Variants in PIK3C2A observed in about 807,000 individuals in gnomAD.
PIK3C2A encodes phosphatidylinositol 4-phosphate 3-kinase C2 domain-containing subunit alpha.
Under a neutral mutation model 204.5 loss-of-function variants are expected in PIK3C2A, and 97 were observed. The ratio of observed to expected loss-of-function variants is 0.47; its 90% confidence interval spans 0.40 to 0.56. PIK3C2A has a LOEUF of 0.56. Ranked by LOEUF, PIK3C2A falls within the 20% of genes least tolerant of loss-of-function variation. The pLI is 0.00. For synonymous variants in PIK3C2A, 653 were observed against 664.4 expected (o/e 0.98, Z 0.26); for missense variants, 1,735 against 1,969.2 (o/e 0.88, Z 2.25).
At chr11:17,116,666 T>C (rs1018691888) in intron 19 of PIK3C2A, among the ~76,000 whole-genome samples, 1 of 151,976 alleles carries the variant, frequency 6.6e-6, no homozygotes, top group Admixed American at 6.6e-5. Flanking sequence ...CTCGGTTCAC[T>C]GCAAGCTCCG....
At chr11:17,168,390 G>C (rs1434341633) in intron 2 of PIK3C2A, among the ~76,000 whole-genome samples, 3 of 152,098 alleles carry the variant, frequency 2.0e-5, no homozygotes, top group Non-Finnish European at 2.9e-5. Context: ...GACCATTCTT[G>C]CTAACACAGT....
At chr11:17,101,481 T>A (rs1848619694) in intron 24 of PIK3C2A, 47 bp from the exon 25 acceptor site, 1 of 1,085,408 alleles carries the variant, frequency 9.2e-7, no homozygotes, top group Non-Finnish European at 1.3e-6. Context: ...CAGAAGATAC[T>A]CCAATAGTGC....
intron 32 of PIK3C2A, among the ~76,000 whole-genome samples, 188 bp from the exon 33 acceptor site, chr11:17,090,108 T>A (rs902345979): frequency 2.0e-5 from 3 of 152,222 alleles, no homozygotes; most frequent in Admixed American, 6.5e-5. Flanking sequence ...GAGTCTTGGA[T>A]TGTACTATCA....
At chr11:17,099,273 T>C (rs746835056) in intron 26 of PIK3C2A, among the ~76,000 whole-genome samples, 1 of 152,240 alleles carries the variant, frequency 6.6e-6, no homozygotes, top group Non-Finnish European at 1.5e-5. Context: ...TGCCATGTAA[T>C]AGTTTACTTG....
At position 17,188,719 on chromosome 11, in the gene PIK3C2A, A is replaced by C. The variant is rs1392624068; in HGVS notation, c.-65-18913T>G. Among the ~76,000 whole-genome samples, 2 of 147,000 alleles carry C rather than the reference A, an allele frequency of 1.4e-5. 1 individual carries two copies. The highest frequency in any genetic ancestry group is 5.5e-5 in the African/African-American group (2 of 36,578). On this transcript the variant is annotated intron_variant, in intron 1 of 32. Coordinates refer to ENST00000691414, the MANE Select transcript of PIK3C2A (RefSeq NM_002645.4). ...AGGTAGCACACTGAAAGCTGAAGAC[A>C]GATCAGAAGAACTGAAAGAGATCCC...
chr11:17,097,334 T>A, intron 26 of PIK3C2A, 70 bp from the exon 27 acceptor site: 2 of 931,586 alleles, frequency 2.1e-6, no homozygotes, highest in Non-Finnish European at 1.7e-6. Flanking sequence ...ATGTAATAAA[T>A]GACAAAAACC....
chr11:17,096,286 C>A (rs1848453418), intron 27 of PIK3C2A, among the ~76,000 whole-genome samples: 1 of 152,228 alleles, frequency 6.6e-6, no homozygotes, highest in East Asian at 1.9e-4. Context: ...TGATCACCTG[C>A]CTCGGGCTCC....
At chr11:17,099,417 T>G (rs1565238521) in intron 26 of PIK3C2A, among the ~76,000 whole-genome samples, 1 of 152,152 alleles carries the variant, frequency 6.6e-6, no homozygotes, top group Non-Finnish European at 1.5e-5. Context: ...CTTAGTGGTG[T>G]GCGCCTGTAG....
rs187182162 is a variant in PIK3C2A, at chr11:17,193,367, C to G, written c.-66+14481G>C. 154 of 175,746 alleles carry G rather than the reference C, an allele frequency of 8.8e-4. 1 individual carries two copies. Among genetic ancestry groups the G allele is most frequent in the Middle Eastern group, 8.1e-3 (3 of 372 alleles). The allele number at this position is 175,746 out of a possible 1,614,324, so 10.9% of individuals were successfully genotyped here. A position where few individuals can be genotyped will look rare whatever the true frequency, so the allele number is the denominator to read the frequency against. ...CTTAGAAATCGGCTTTGTTATCCCA[C>G]TAAGTTTTATATTTAAAAAATATTC... On this transcript the variant is annotated intron_variant, in intron 1 of 32. Transcript: ENST00000691414.
At chr11:17,097,641 C>T (rs562998949) in intron 26 of PIK3C2A, among the ~76,000 whole-genome samples, 1 of 152,156 alleles carries the variant, frequency 6.6e-6, no homozygotes, top group African/African-American at 2.4e-5. Flanking sequence ...GGGCTGGGCA[C>T]GGTGGCTCAC....
intron 1 of PIK3C2A, among the ~76,000 whole-genome samples, chr11:17,171,472 G>A (rs1851158684): frequency 6.6e-6 from 1 of 151,476 alleles, no homozygotes; most frequent in Non-Finnish European, 1.5e-5. Context: ...TAATACAAAT[G>A]AAAATCCTAA....
intron 1 of PIK3C2A, among the ~76,000 whole-genome samples, chr11:17,205,566 C>T (rs1852541440): frequency 6.6e-6 from 1 of 151,266 alleles, no homozygotes; most frequent in South Asian, 2.1e-4. Flanking sequence ...TGCTCTGATG[C>T]TCTATAAGAA....
intron 27 of PIK3C2A, among the ~76,000 whole-genome samples, chr11:17,096,133 G>C (rs928593537): frequency 4.6e-5 from 7 of 151,642 alleles, no homozygotes; most frequent in African/African-American, 1.7e-4. Flanking sequence ...CTGCCTCTCG[G>C]GTTCAAGCGA....
At chr11:17,101,575 A>G in intron 24 of PIK3C2A, 141 bp from the exon 25 acceptor site, 1 of 425,096 alleles carries the variant, frequency 2.4e-6, no homozygotes, top group Non-Finnish European at 4.1e-6. Context: ...TTGAATTTCC[A>G]TAATTTTAAA....
chr11:17,193,768 A>G (rs1476883560), intron 1 of PIK3C2A, among the ~76,000 whole-genome samples: 2 of 149,970 alleles, frequency 1.3e-5, no homozygotes, highest in South Asian at 2.1e-4. Context: ...ATTGCTTGAA[A>G]TCAGAAGGCG....
chr11:17,111,391 T>G (rs1363027759), intron 21 of PIK3C2A, among the ~76,000 whole-genome samples: 1 of 152,220 alleles, frequency 6.6e-6, no homozygotes, highest in Non-Finnish European at 1.5e-5. Context: ...TATGAATCTA[T>G]AATTATCTCA....
At chr11:17,102,965 G>T (rs1848691036) in intron 23 of PIK3C2A, 134 bp from the exon 24 acceptor site, 2 of 565,216 alleles carry the variant, frequency 3.5e-6, no homozygotes, top group Non-Finnish European at 6.0e-6. Context: ...TACAAACTGG[G>T]ATATAGTAAT....
chr11:17,172,912 A>C (rs549730688), intron 1 of PIK3C2A, among the ~76,000 whole-genome samples: 4 of 152,278 alleles, frequency 2.6e-5, no homozygotes, highest in Non-Finnish European at 4.4e-5. Flanking sequence ...AAATCTTAAC[A>C]TTCCCGTTTA....
At chr11:17,147,821 T>G (rs1590962747) in intron 5 of PIK3C2A, among the ~76,000 whole-genome samples, 193 bp from the exon 6 acceptor site, 1 of 152,002 alleles carries the variant, frequency 6.6e-6, no homozygotes, top group Non-Finnish European at 1.5e-5. Context: ...AGAAAGAAGA[T>G]GAAGACAAAG....
Sources: allele counts gnomAD v4.1 joint callset (sites outside exome capture counted in the v4.1 genomes callset), GRCh38; gene constraint gnomAD v4.1.1; transcripts MANE v1.5; gene names NCBI Gene and HGNC (gene_info 2026-07-23, HGNC 2026-07-21).